The following FSTL5 variants were observed in gnomAD, a reference collection of about 807,000 sequenced individuals.
FSTL5 encodes the protein follistatin-related protein 5.
A neutral mutation model predicts 89.1 loss-of-function variants in FSTL5; 62 were observed. The observed-to-expected ratio is 0.70, with a 90% CI of 0.57 to 0.86. The LOEUF is 0.86. Ranked by LOEUF, FSTL5 falls within the 40% of genes least tolerant of loss-of-function variation. The pLI, the probability that FSTL5 is intolerant of heterozygous loss-of-function variation, is 0.00. For missense variants in FSTL5, 1,057 were observed against 1,001.6 expected (o/e 1.06, Z -0.75); for synonymous variants, 383 against 346.2 (o/e 1.11, Z -1.18).
At chr4:161,409,659 C>A (rs1046488356) in intron 15 of FSTL5, among the ~76,000 whole-genome samples, 4 of 152,118 alleles carry the variant, frequency 2.6e-5, no homozygotes, top group African/African-American at 9.7e-5. Flanking sequence ...CGATTACAGG[C>A]GTGAGCCACC....
intron 15 of FSTL5, among the ~76,000 whole-genome samples, chr4:161,424,749 G>A (rs991557818): frequency 6.6e-6 from 1 of 152,164 alleles, no homozygotes; most frequent in African/African-American, 2.4e-5. Context: ...CTAGGTCCTA[G>A]CAGACCAGTC....
chr4:161,903,358 T>A (rs1250369957), intron 4 of FSTL5, among the ~76,000 whole-genome samples: 1 of 152,108 alleles, frequency 6.6e-6, no homozygotes, highest in Non-Finnish European at 1.5e-5. Context: ...TATCAAAAAC[T>A]ATTACTCTTC....
At chr4:161,423,114 G>A (rs1451736545) in intron 15 of FSTL5, among the ~76,000 whole-genome samples, 1 of 152,006 alleles carries the variant, frequency 6.6e-6, no homozygotes, top group South Asian at 2.1e-4. Flanking sequence ...AACTGATGAG[G>A]CTTAAAACTC....
chr4:162,140,043 A>G (rs1171475344), intron 1 of FSTL5, among the ~76,000 whole-genome samples: 1 of 152,162 alleles, frequency 6.6e-6, no homozygotes, highest in Non-Finnish European at 1.5e-5. Flanking sequence ...GTTCACTTTC[A>G]CTATTTTTAG....
At chr4:161,619,594 A>G (rs912523478) in intron 7 of FSTL5, among the ~76,000 whole-genome samples, 4 of 152,234 alleles carry the variant, frequency 2.6e-5, no homozygotes, top group African/African-American at 7.2e-5. Context: ...AAAAATGCTC[A>G]CCATCACTGG....
intron 3 of FSTL5, among the ~76,000 whole-genome samples, chr4:161,975,067 C>A (rs2111026424): frequency 7.3e-6 from 1 of 136,964 alleles, no homozygotes; most frequent in South Asian, 2.5e-4. Flanking sequence ...CATCTCACAC[C>A]AGTTAGAATG....
intron 6 of FSTL5, among the ~76,000 whole-genome samples, chr4:161,743,921 T>G (rs924353979): frequency 1.3e-5 from 2 of 152,202 alleles, no homozygotes; most frequent in African/African-American, 4.8e-5. Context: ...AAACAAAATG[T>G]AGCAGAATTT....
At chr4:161,697,897 A>G (rs566717516) in intron 6 of FSTL5, among the ~76,000 whole-genome samples, 1 of 152,184 alleles carries the variant, frequency 6.6e-6, no homozygotes, top group Admixed American at 6.5e-5. Flanking sequence ...ATAATTTATC[A>G]AGAATGAGGA....
At chr4:161,611,237 T>C (rs1377843058) in intron 7 of FSTL5, among the ~76,000 whole-genome samples, 3 of 30,842 alleles carry the variant, frequency 9.7e-5, no homozygotes, top group African/African-American at 3.4e-4. Flanking sequence ...TATACATATA[T>C]ATATATATAT....
chr4:161,587,300 T>C (rs559287310), intron 8 of FSTL5, among the ~76,000 whole-genome samples, 155 bp downstream of exon 8: 2 of 152,072 alleles, frequency 1.3e-5, no homozygotes, highest in South Asian at 4.1e-4. Context: ...TTTTGTGTTT[T>C]TTTTTTTTAC....
At chr4:162,078,966 T>A (rs1460942185) in intron 2 of FSTL5, among the ~76,000 whole-genome samples, 3 of 151,708 alleles carry the variant, frequency 2.0e-5, no homozygotes, top group Non-Finnish European at 4.4e-5. Context: ...GCAGAAAACA[T>A]CAGTAACAAC....
chr4:161,840,441 T>C (rs1731175692), intron 4 of FSTL5, among the ~76,000 whole-genome samples: 1 of 152,176 alleles, frequency 6.6e-6, no homozygotes, highest in Admixed American at 6.6e-5. Flanking sequence ...ATTATAATGC[T>C]TATTTCTCAA....
At chr4:161,504,943 T>C (rs1010865193) in intron 11 of FSTL5, among the ~76,000 whole-genome samples, 1 of 152,078 alleles carries the variant, frequency 6.6e-6, no homozygotes, top group Non-Finnish European at 1.5e-5. Context: ...AAAAAGATTT[T>C]GTGATGTTTT....
chr4:161,506,318 C>T (rs1479529162), intron 11 of FSTL5, among the ~76,000 whole-genome samples: 1 of 137,916 alleles, frequency 7.3e-6, no homozygotes, highest in East Asian at 2.1e-4. Context: ...AGCAATCCTC[C>T]CTCTTCGGCC....
chr4:161,522,456 C>T (rs1206684181), intron 10 of FSTL5, among the ~76,000 whole-genome samples: 1 of 151,898 alleles, frequency 6.6e-6, no homozygotes, highest in Non-Finnish European at 1.5e-5. Context: ...AAGGCTTTTC[C>T]TCCCGTATTA....
chr4:162,016,555 T>A (rs1319991996), intron 3 of FSTL5, among the ~76,000 whole-genome samples: 1 of 151,972 alleles, frequency 6.6e-6, no homozygotes, highest in African/African-American at 2.4e-5. Flanking sequence ...GATAATGGAT[T>A]TTTTTTGAGT....
intron 13 of FSTL5, among the ~76,000 whole-genome samples, chr4:161,461,288 C>CAAAAAAAAAAAAAAA (rs781313697): frequency 1.4e-5 from 1 of 72,644 alleles, no homozygotes; most frequent in African/African-American, 6.7e-5. Context: ...ACTAAAAATA[C>CAAAAAAAAAAAAAAA]AAAAAAAACA....
rs193270208 is a variant in FSTL5, at chr4:161,649,378, T to A, written c.894+6950A>T. Among the ~76,000 whole-genome samples, 7 of 152,162 alleles carry A rather than the reference T, an allele frequency of 4.6e-5. No homozygotes were observed. The East Asian group carries it at 9.7e-4, about 21-fold the overall frequency. On this transcript the variant is annotated intron_variant, in intron 7 of 15. Transcript: ENST00000306100. ...TCCTCGACAGCAGAATTAAACTCAA[T>A]CCTTACAAAAAGAAATGTTCAGCAT...
intron 2 of FSTL5, among the ~76,000 whole-genome samples, chr4:162,064,278 T>C (rs1437029108): frequency 6.6e-6 from 1 of 152,028 alleles, no homozygotes; most frequent in Non-Finnish European, 1.5e-5. Context: ...ACTGCATCTG[T>C]GGCTACTTAC....
Sources: gnomAD v4.1 joint callset for allele counts (sites outside exome capture counted in the v4.1 genomes callset) on GRCh38, gnomAD v4.1.1 for gene constraint, MANE v1.5 for transcripts, NCBI Gene and HGNC (gene_info 2026-07-23, HGNC 2026-07-21) for gene names.